Variants in DLGAP2 observed in about 807,000 individuals in gnomAD.
DLGAP2 encodes DLG associated protein 2.
A neutral mutation model predicts 100.3 loss-of-function variants in DLGAP2; 26 were observed. The ratio of observed to expected loss-of-function variants is 0.26; its 90% CI spans 0.19 to 0.36. The LOEUF (loss-of-function observed/expected upper bound fraction) is 0.36, where lower values mean the gene tolerates loss of function less well. Among genes scored for constraint, DLGAP2 ranks in the 10% least tolerant of loss-of-function variants. DLGAP2 has a pLI of 1.00. For synonymous variants in DLGAP2, 886 were observed against 630.1 expected (o/e 1.41, Z -6.08); for missense variants, 1,858 against 1,453.2 (o/e 1.28, Z -4.53).
intron 1 of DLGAP2, among the ~76,000 whole-genome samples, chr8:770,490 G>C (rs1379846199): frequency 1.3e-5 from 2 of 152,182 alleles, no homozygotes; most frequent in African/African-American, 4.8e-5. Context: ...GTTCACTGCA[G>C]GAAGCCATAT....
intron 2 of DLGAP2, among the ~76,000 whole-genome samples, chr8:926,422 C>A (rs1287751063): frequency 1.3e-5 from 2 of 152,304 alleles, no homozygotes; most frequent in African/African-American, 2.4e-5. Context: ...GCCTCCAGGT[C>A]GGGGGTCTGT....
chr8:1,619,318 A>G (rs1158886772), intron 6 of DLGAP2, among the ~76,000 whole-genome samples: 2 of 152,246 alleles, frequency 1.3e-5, no homozygotes, highest in African/African-American at 2.4e-5. Flanking sequence ...AAGAATGACA[A>G]TACAACATGC....
chr8:1,222,952 G>A (rs571472704), intron 2 of DLGAP2, among the ~76,000 whole-genome samples: 2 of 152,286 alleles, frequency 1.3e-5, no homozygotes, highest in South Asian at 2.1e-4. Context: ...CTAGAGGAGT[G>A]TGGCAAGCCT....
At chr8:1,288,023 G>T (rs1390671508) in intron 3 of DLGAP2, among the ~76,000 whole-genome samples, 1 of 75,370 alleles carries the variant, frequency 1.3e-5, no homozygotes, top group South Asian at 4.8e-4. Context: ...AGGGGGACTA[G>T]TTTCGGTTGA....
At chr8:880,702 C>G (rs990658721) in intron 1 of DLGAP2, among the ~76,000 whole-genome samples, 5 of 152,180 alleles carry the variant, frequency 3.3e-5, no homozygotes, top group African/African-American at 1.2e-4. Context: ...TGTCCCCTCT[C>G]CAGCCCTTGA....
chr8:1,411,155 C>T (rs187872908), intron 3 of DLGAP2, among the ~76,000 whole-genome samples: 57 of 152,182 alleles, frequency 3.7e-4, no homozygotes, highest in African/African-American at 1.3e-3. Context: ...TAATTAAAAT[C>T]GTCGTATGTT....
At chr8:1,614,611 C>T (rs536523193) in intron 6 of DLGAP2, among the ~76,000 whole-genome samples, 1 of 152,220 alleles carries the variant, frequency 6.6e-6, no homozygotes, top group South Asian at 2.1e-4. Context: ...AGGCGGAGCC[C>T]CCTGTGGCAC....
intron 1 of DLGAP2, among the ~76,000 whole-genome samples, chr8:792,360 T>C (rs2132641398): frequency 6.6e-6 from 1 of 152,324 alleles, no homozygotes; most frequent in South Asian, 2.1e-4. Context: ...TATTTTTCCC[T>C]TCCTAATATT....
intron 6 of DLGAP2, among the ~76,000 whole-genome samples, chr8:1,567,429 T>C (rs1480217014): frequency 1.3e-5 from 2 of 152,232 alleles, no homozygotes; most frequent in Non-Finnish European, 2.9e-5. Context: ...CTTTAAATGT[T>C]TGTGATTCAT....
chr8:1,311,444 G>A (rs979060547), intron 3 of DLGAP2, among the ~76,000 whole-genome samples: 3 of 152,166 alleles, frequency 2.0e-5, no homozygotes, highest in African/African-American at 7.2e-5. Context: ...CAGCATTACC[G>A]TGGTAGCTGA....
At chr8:800,709 T>C (rs1796131980) in intron 1 of DLGAP2, among the ~76,000 whole-genome samples, 1 of 152,118 alleles carries the variant, frequency 6.6e-6, no homozygotes, top group African/African-American at 2.4e-5. Context: ...TGTGTGTGTC[T>C]GTGTGTCCAT....
At chr8:1,092,410 G>T (rs1214287598) in intron 2 of DLGAP2, among the ~76,000 whole-genome samples, 1 of 152,196 alleles carries the variant, frequency 6.6e-6, no homozygotes, top group Non-Finnish European at 1.5e-5. Context: ...AGCGATCCCG[G>T]GGCTGGCTTG....
intron 2 of DLGAP2, among the ~76,000 whole-genome samples, chr8:1,234,983 A>G (rs1164445544): frequency 4.0e-5 from 6 of 150,808 alleles, no homozygotes; most frequent in African/African-American, 1.5e-4. Flanking sequence ...TCTCTCACGC[A>G]TAGCATCGTG....
chr8:1,194,347 G>A (rs1388572247), intron 2 of DLGAP2, among the ~76,000 whole-genome samples: 3 of 152,066 alleles, frequency 2.0e-5, no homozygotes, highest in Non-Finnish European at 4.4e-5. Context: ...CCGGATGCCT[G>A]GCAGACAGTC....
intron 3 of DLGAP2, among the ~76,000 whole-genome samples, chr8:1,317,262 G>T (rs368583501): frequency 7.4e-6 from 1 of 135,414 alleles, no homozygotes; most frequent in African/African-American, 2.9e-5. Flanking sequence ...CGAGTGCAGC[G>T]TCTCTCCAAC....
At chr8:915,478 C>T (rs192707778) in intron 2 of DLGAP2, among the ~76,000 whole-genome samples, 59 of 151,780 alleles carry the variant, frequency 3.9e-4, no homozygotes, top group Non-Finnish European at 6.6e-4. Context: ...GCCCAGGAGG[C>T]GGAGCTTGCA....
intron 2 of DLGAP2, among the ~76,000 whole-genome samples, chr8:1,184,242 A>G (rs1797452087): frequency 6.6e-6 from 1 of 152,278 alleles, no homozygotes; most frequent in South Asian, 2.1e-4. Flanking sequence ...TAAAGAGAAC[A>G]TATACTAAAA....
intron 2 of DLGAP2, among the ~76,000 whole-genome samples, chr8:1,139,526 C>G (rs1474123716): frequency 6.6e-6 from 1 of 152,208 alleles, no homozygotes; most frequent in African/African-American, 2.4e-5. Context: ...GAGCCCCACC[C>G]TCTCAACCTA....
chr8:1,440,707 TG>T (rs1328462624), intron 3 of DLGAP2, among the ~76,000 whole-genome samples: 1 of 152,226 alleles, frequency 6.6e-6, no homozygotes, highest in Non-Finnish European at 1.5e-5. Context: ...GAAGGGCCCT[TG>T]GTGTCTCTTT....
Sources: allele counts gnomAD v4.1 joint callset (sites outside exome capture counted in the v4.1 genomes callset), GRCh38; gene constraint gnomAD v4.1.1; transcripts MANE v1.5; gene names NCBI Gene and HGNC (gene_info 2026-07-23, HGNC 2026-07-21).